Variants in OR1D2 observed in about 807,000 individuals in gnomAD.
The protein encoded by OR1D2 is olfactory receptor family 1 subfamily D member 2, also known as olfactory receptor 1D2.
For synonymous variants in OR1D2, 157 were observed against 153.9 expected (o/e 1.02, Z -0.15); for missense variants, 357 against 376.1 (o/e 0.95, Z 0.42).
chr17:3,095,540 C>T (rs1337374632), intron 1 of OR1D2, among the ~76,000 whole-genome samples: 1 of 151,866 alleles, frequency 6.6e-6, no homozygotes, highest in Non-Finnish European at 1.5e-5. Context: ...AGTAAGTTAC[C>T]TCAGATGATA....
In OR1D2 at chr17:3,089,132, G is replaced by C. The variant is rs2047791491; in HGVS notation, c.*2926C>G. 6.6e-6 allele frequency: 1 copy of C among 152,154 alleles called. No homozygotes were observed. The highest frequency in any genetic ancestry group is 1.5e-5 in the Non-Finnish European group (1 of 68,040). 9.4% of individuals were successfully genotyped at this position (152,154 alleles called of 1,614,324 possible). The stretch of plus-strand genomic sequence containing the variant: ...GACTATGTCAGAAGGAAGATCTGGG[G>C]CTCAAGGGCTACTTATCAGATTGTT... On this transcript the variant is annotated 3_prime_UTR_variant, in exon 2 of 2. Coordinates refer to ENST00000641833, the MANE Select transcript of OR1D2 (RefSeq NM_002548.3).
In OR1D2 at chr17:3,104,267, G is replaced by T. The variant is rs990163212; in HGVS notation, c.-219C>A. 6.6e-6 allele frequency: 1 copy of T among 152,170 alleles called. No individual in the cohort carries two copies. The highest frequency in any genetic ancestry group is 1.5e-5 in the Non-Finnish European group (1 of 68,036). 9.4% of individuals were successfully genotyped at this position (152,170 alleles called of 1,614,324 possible). A position where few individuals can be genotyped will look rare whatever the true frequency, so the allele number is the denominator to read the frequency against. On this transcript the variant is annotated 5_prime_UTR_variant, in exon 1 of 2. Transcript: ENST00000641833. Reference sequence around the variant, plus strand: ...GCTAAAGGTACAGAGCAGAGAACTTGTTGCCTGGGTCTTCAGCTTCTGTAA... The same window carrying T: ...GCTAAAGGTACAGAGCAGAGAACTTTTTGCCTGGGTCTTCAGCTTCTGTAA...
In OR1D2 at chr17:3,090,018, G is replaced by A. The variant is rs1428368775; in HGVS notation, c.*2040C>T. ...TCAGGTTTCTGTTTTCCTGCCTGTGGTGGCTGCTGTGAATAGCCATTTTTA... is the reference window on the plus strand; with the variant it reads ...TCAGGTTTCTGTTTTCCTGCCTGTGATGGCTGCTGTGAATAGCCATTTTTA... On this transcript the variant is annotated 3_prime_UTR_variant, in exon 2 of 2. Coordinates refer to ENST00000641833, the MANE Select transcript of OR1D2 (RefSeq NM_002548.3). 2.6e-5 allele frequency: 4 copies of A among 152,242 alleles called. No homozygotes were observed. Among genetic ancestry groups the A allele is most frequent in the Admixed American group, 2.6e-4 (4 of 15,276 alleles). The allele number at this position is 152,242 out of a possible 1,614,324, so 9.4% of individuals were successfully genotyped here. A position where few individuals can be genotyped will look rare whatever the true frequency, so the allele number is the denominator to read the frequency against.
At chr17:3,098,157 C>G (rs1025304175) in intron 1 of OR1D2, among the ~76,000 whole-genome samples, 6 of 152,214 alleles carry the variant, frequency 3.9e-5, no homozygotes, top group African/African-American at 1.4e-4. Context: ...CGCACACCCC[C>G]TTCACCAAGG....
At chr17:3,098,288 C>T (rs1342239684) in intron 1 of OR1D2, among the ~76,000 whole-genome samples, 1 of 152,160 alleles carries the variant, frequency 6.6e-6, no homozygotes, top group East Asian at 1.9e-4. Flanking sequence ...GTTGGTGCCC[C>T]TTGAGGTCAG....
At chr17:3,094,538 C>T (rs61595087) in intron 1 of OR1D2, among the ~76,000 whole-genome samples, 1 of 152,094 alleles carries the variant, frequency 6.6e-6, no homozygotes, top group African/African-American at 2.4e-5. Flanking sequence ...ATAACCAGCC[C>T]CATTAGGGGA....
intron 1 of OR1D2, among the ~76,000 whole-genome samples, chr17:3,101,739 CTGATGACA>C (rs1324040577): frequency 6.6e-6 from 1 of 152,204 alleles, no homozygotes; most frequent in Non-Finnish European, 1.5e-5. Flanking sequence ...TGTCTGTTTG[CTGATGACA>C]TGATTCTATA....
At position 3,091,506 on chromosome 17, in the gene OR1D2, C is replaced by G. The variant is rs559645606; in HGVS notation, c.*552G>C. 6.5e-6 allele frequency: 1 copy of G among 152,928 alleles called. No individual in the cohort carries two copies. Among genetic ancestry groups the G allele is most frequent in the Admixed American group, 6.5e-5 (1 of 15,422 alleles). 9.5% of individuals were successfully genotyped at this position (152,928 alleles called of 1,614,324 possible). On this transcript the variant is annotated 3_prime_UTR_variant, in exon 2 of 2. Transcript: ENST00000641833. ...TGTACTTCCCCGAGTAGACTGTGAC[C>G]TCACATTTGTAACCCAGTTTGAGGC...
Position 3,092,526 on chromosome 17 carries a change from G to C in OR1D2, c.471C>G (p.Leu157=), listed in dbSNP as rs747392357. 2 of 1,614,188 alleles carry C rather than the reference G, an allele frequency of 1.2e-6. No individual in the cohort carries two copies. Among genetic ancestry groups the C allele is most frequent in the South Asian group, 2.2e-5 (2 of 91,084 alleles). Residue 157 remains leucine, a synonymous_variant, in exon 2 of 2, where the codon CTC becomes CTG. Transcript: ENST00000641833. ...CTCTGGTCATGAGGAGGGTGTGTAT[G>C]AGGCCATAGAGGACGGATAGGACCC... ...LCWVLSVLYG[L]IHTLLMTRVT...
At chr17:3,096,681 T>TA (rs1366883180) in intron 1 of OR1D2, among the ~76,000 whole-genome samples, 10 of 152,326 alleles carry the variant, frequency 6.6e-5, no homozygotes, top group African/African-American at 2.2e-4. Context: ...ATGAAGAAGA[T>TA]ATAACAATTG....
intron 1 of OR1D2, among the ~76,000 whole-genome samples, chr17:3,102,246 T>C (rs2047877972): frequency 6.6e-6 from 1 of 151,934 alleles, no homozygotes; most frequent in African/African-American, 2.4e-5. Flanking sequence ...TAATTTGGAG[T>C]GCCAGATTTG....
chr17:3,093,583 C>T (rs1021227366), intron 1 of OR1D2, among the ~76,000 whole-genome samples: 1 of 152,248 alleles, frequency 6.6e-6, no homozygotes, highest in African/African-American at 2.4e-5. Flanking sequence ...TCATGCGAAT[C>T]ATGAGTTATA....
intron 1 of OR1D2, among the ~76,000 whole-genome samples, chr17:3,093,292 T>C (rs989741665): frequency 3.9e-5 from 6 of 152,230 alleles, no homozygotes; most frequent in African/African-American, 1.4e-4. Flanking sequence ...TAGTGTGTTA[T>C]GATATGTATA....
chr17:3,092,535 G>C lies in OR1D2; in HGVS notation c.462C>G (p.Leu154=), dbSNP rs2047818479. The C allele has an allele frequency of 1.2e-6, 2 of 1,614,034 alleles. No individual in the cohort carries two copies. The highest frequency in any genetic ancestry group is 8.5e-7 in the Non-Finnish European group (1 of 1,180,036). ...LLSLCWVLSV[L]YGLIHTLLMT... ...TGAGGAGGGTGTGTATGAGGCCATA[G>C]AGGACGGATAGGACCCAACACAAGG... Residue 154 remains leucine (L), a synonymous_variant, in exon 2 of 2, where the codon CTC becomes CTG. Coordinates refer to ENST00000641833, the MANE Select transcript of OR1D2 (RefSeq NM_002548.3).
intron 1 of OR1D2, among the ~76,000 whole-genome samples, chr17:3,095,605 A>G (rs762532823): frequency 6.6e-6 from 1 of 151,924 alleles, no homozygotes; most frequent in African/African-American, 2.4e-5. Context: ...TGAAAATGTG[A>G]TATTATAAAT....
At chr17:3,101,871 C>A (rs1488588796) in intron 1 of OR1D2, among the ~76,000 whole-genome samples, 2 of 152,136 alleles carry the variant, frequency 1.3e-5, no homozygotes, top group Admixed American at 6.5e-5. Flanking sequence ...TTTACACCAA[C>A]AATAGACAAG....
At chr17:3,094,696 G>A (rs1182189934) in intron 1 of OR1D2, among the ~76,000 whole-genome samples, 3 of 152,100 alleles carry the variant, frequency 2.0e-5, no homozygotes, top group Non-Finnish European at 4.4e-5. Context: ...TGTGATGTCA[G>A]CCTTCTTTGA....
At chr17:3,103,143 A>C (rs1382413580) in intron 1 of OR1D2, among the ~76,000 whole-genome samples, 1 of 152,070 alleles carries the variant, frequency 6.6e-6, no homozygotes, top group East Asian at 1.9e-4. Context: ...GATGGGAGGG[A>C]GGGTAGAGGG....
rs181209248 is a variant in OR1D2, at chr17:3,090,518, G to A, written c.*1540C>T. 4 of 152,298 alleles carry A rather than the reference G, an allele frequency of 2.6e-5. No individual in the cohort carries two copies. In the East Asian group the frequency reaches 7.7e-4, roughly 29 times the overall value. The allele number at this position is 152,298 out of a possible 1,614,324, so 9.4% of individuals were successfully genotyped here. On this transcript the variant is annotated 3_prime_UTR_variant, in exon 2 of 2. Transcript: ENST00000641833. Reference sequence around the variant, plus strand: ...CTTTGCTAAGTTTCCTTGATTCCTTGTGTTTCCTGTAGCTTCACATTTGTG... The same window carrying A: ...CTTTGCTAAGTTTCCTTGATTCCTTATGTTTCCTGTAGCTTCACATTTGTG...
Sources: gnomAD v4.1 joint callset for allele counts (sites outside exome capture counted in the v4.1 genomes callset) on GRCh38, gnomAD v4.1.1 for gene constraint, MANE v1.5 for transcripts, NCBI Gene and HGNC (gene_info 2026-07-23, HGNC 2026-07-21) for gene names.